MAGI2: variants seen among roughly 807,000 people sequenced by gnomAD.
MAGI2 encodes membrane associated guanylate kinase, WW and PDZ domain containing 2, also known as membrane-associated guanylate kinase, WW and PDZ domain-containing protein 2.
A neutral mutation model predicts 133.3 loss-of-function variants in MAGI2; 35 were observed. That is an observed-to-expected ratio of 0.26 (90% CI 0.20 to 0.35). The LOEUF is 0.35. Among genes scored for constraint, MAGI2 ranks in the 10% least tolerant of loss-of-function variants. The pLI, the probability that MAGI2 is intolerant of heterozygous loss-of-function variation, is 1.00. For missense variants in MAGI2, 1,636 were observed against 1,863.4 expected (o/e 0.88, Z 2.25); for synonymous variants, 729 against 710.6 (o/e 1.03, Z -0.41).
Position 79,453,426 on chromosome 7 carries a change from A to G in MAGI2, c.-106T>C, listed in dbSNP as rs1340493343. Reference sequence around the variant, plus strand: ...AAGGGGGCCCAGGGGGAAGAACAGCAGACTTTGCCTTCGCCCCCCTCTATT... The same window carrying G: ...AAGGGGGCCCAGGGGGAAGAACAGCGGACTTTGCCTTCGCCCCCCTCTATT... On this transcript the variant is annotated 5_prime_UTR_variant, in exon 1 of 22. Transcript: ENST00000354212. 1.3e-6 allele frequency: 2 copies of G among 1,502,090 alleles called. No homozygotes were observed. The highest frequency in any genetic ancestry group is 1.8e-6 in the Non-Finnish European group (2 of 1,132,556). 93.0% of individuals were successfully genotyped at this position (1,502,090 alleles called of 1,614,324 possible). A position where few individuals can be genotyped will look rare whatever the true frequency, so the allele number is the denominator to read the frequency against.
chr7:78,633,138 C>T (rs982150534), intron 2 of MAGI2, among the ~76,000 whole-genome samples: 5 of 152,214 alleles, frequency 3.3e-5, no homozygotes, highest in African/African-American at 9.6e-5. Flanking sequence ...AACTAATGGA[C>T]GAACAGAAAA....
At chr7:79,437,006 T>C (rs535425036) in intron 1 of MAGI2, among the ~76,000 whole-genome samples, 175 of 152,312 alleles carry the variant, frequency 1.1e-3, no homozygotes, top group Non-Finnish European at 2.0e-3. Context: ...CATGGATTAC[T>C]ATGCAGCCAT....
At chr7:79,162,056 G>GA (rs368026599) in intron 1 of MAGI2, among the ~76,000 whole-genome samples, 2,276 of 146,040 alleles carry the variant, frequency 0.016, 57 homozygotes, top group African/African-American at 0.052. Flanking sequence ...ATCTTTAATA[G>GA]AAAAAAAAAA....
At chr7:79,186,776 T>TATATAC (rs1554399274) in intron 1 of MAGI2, among the ~76,000 whole-genome samples, 1 of 98,172 alleles carries the variant, frequency 1.0e-5, no homozygotes, top group African/African-American at 2.9e-5. Flanking sequence ...TATATATATA[T>TATATAC]ACACACACAC....
At chr7:78,092,774 A>G (rs60625153) in intron 20 of MAGI2, among the ~76,000 whole-genome samples, 1 of 151,938 alleles carries the variant, frequency 6.6e-6, no homozygotes. Context: ...AATTCCACAT[A>G]CATCCCTTGG....
chr7:79,141,040 C>G (rs534665060), intron 1 of MAGI2, among the ~76,000 whole-genome samples: 1 of 152,254 alleles, frequency 6.6e-6, no homozygotes, highest in South Asian at 2.1e-4. Context: ...ACTGTCTAAT[C>G]CTTTCAGTTG....
At chr7:78,510,598 G>T (rs1795478888) in intron 4 of MAGI2, among the ~76,000 whole-genome samples, 1 of 152,078 alleles carries the variant, frequency 6.6e-6, no homozygotes, top group South Asian at 2.1e-4. Flanking sequence ...TATACATAAA[G>T]GTGGTATTTC....
chr7:78,264,202 T>C (rs147132573), intron 9 of MAGI2, among the ~76,000 whole-genome samples: 6 of 152,290 alleles, frequency 3.9e-5, no homozygotes, highest in Non-Finnish European at 7.3e-5. Flanking sequence ...CCATATAAGA[T>C]AGCCATTGTT....
At chr7:79,083,866 TA>T (rs1351487774) in intron 1 of MAGI2, among the ~76,000 whole-genome samples, 1 of 151,762 alleles carries the variant, frequency 6.6e-6, no homozygotes, top group African/African-American at 2.4e-5. Flanking sequence ...ATAGTATTCA[TA>T]TTTTCTATGT....
At chr7:79,245,315 C>T (rs1422513901) in intron 1 of MAGI2, among the ~76,000 whole-genome samples, 1 of 152,144 alleles carries the variant, frequency 6.6e-6, no homozygotes, top group African/African-American at 2.4e-5. Flanking sequence ...GATGGTGCAC[C>T]AGGTGGACTC....
chr7:78,460,497 A>G (rs1247993440), intron 6 of MAGI2, among the ~76,000 whole-genome samples: 2 of 152,340 alleles, frequency 1.3e-5, no homozygotes, highest in African/African-American at 4.8e-5. Flanking sequence ...TCAGAGATAG[A>G]TGATATACAC....
chr7:78,239,217 G>A (rs11764912), intron 10 of MAGI2, among the ~76,000 whole-genome samples: 44,222 of 151,860 alleles, frequency 0.29, 7,447 homozygotes, highest in Non-Finnish European at 0.37. Flanking sequence ...CATGCAGAAG[G>A]ATGAAATTAG....
At chr7:78,657,456 G>A (rs1333302372) in intron 2 of MAGI2, among the ~76,000 whole-genome samples, 1 of 152,106 alleles carries the variant, frequency 6.6e-6, no homozygotes, top group African/African-American at 2.4e-5. Context: ...ATAAACTGTG[G>A]CACATCCAAA....
At chr7:78,290,499 G>A (rs1796593236) in intron 9 of MAGI2, among the ~76,000 whole-genome samples, 1 of 152,298 alleles carries the variant, frequency 6.6e-6, no homozygotes, top group East Asian at 1.9e-4. Context: ...ATAATAATGG[G>A]AGACTTTAAC....
intron 16 of MAGI2, among the ~76,000 whole-genome samples, chr7:78,143,037 T>C (rs1161588273): frequency 1.3e-5 from 2 of 152,212 alleles, no homozygotes; most frequent in Non-Finnish European, 2.9e-5. Flanking sequence ...TTTTGCATTT[T>C]TCGCAAAGAC....
At chr7:78,246,387 T>G (rs1791782133) in intron 10 of MAGI2, among the ~76,000 whole-genome samples, 1 of 152,034 alleles carries the variant, frequency 6.6e-6, no homozygotes. Context: ...AAGGAATTAG[T>G]GCCCTGGTGA....
At chr7:78,769,883 T>TC (rs1352867404) in intron 2 of MAGI2, among the ~76,000 whole-genome samples, 1 of 151,882 alleles carries the variant, frequency 6.6e-6, no homozygotes, top group African/African-American at 2.4e-5. Context: ...ACTAAATGCT[T>TC]CCCCCCATTT....
At chr7:79,430,793 G>T (rs745825818) in intron 1 of MAGI2, among the ~76,000 whole-genome samples, 2 of 152,178 alleles carry the variant, frequency 1.3e-5, no homozygotes, top group Non-Finnish European at 2.9e-5. Flanking sequence ...TGAGGACAAT[G>T]GCCTAATCTA....
intron 9 of MAGI2, among the ~76,000 whole-genome samples, chr7:78,319,112 A>G (rs550270531): frequency 4.6e-5 from 7 of 152,330 alleles, no homozygotes; most frequent in Non-Finnish European, 8.8e-5. Flanking sequence ...ATTCACATGT[A>G]AAAATATGAA....
Sources: allele counts gnomAD v4.1 joint callset (sites outside exome capture counted in the v4.1 genomes callset), GRCh38; gene constraint gnomAD v4.1.1; transcripts MANE v1.5; gene names NCBI Gene and HGNC (gene_info 2026-07-23, HGNC 2026-07-21).